ZNF608: variants seen among roughly 807,000 people sequenced by gnomAD.
ZNF608 encodes the protein renal carcinoma antigen NY-REN-36.
ZNF608 carries 12 observed loss-of-function variants against 109.0 expected under a neutral mutation model. The ratio of observed to expected loss-of-function variants is 0.11; its 90% CI spans 0.07 to 0.18. The LOEUF (loss-of-function observed/expected upper bound fraction) is 0.18, where lower values mean the gene tolerates loss of function less well. ZNF608 is among the 10% of genes least tolerant of loss of function. The probability of loss-of-function intolerance (pLI) is 1.00; values close to 1 mark genes in which losing one functional copy is unlikely to be tolerated. For synonymous variants in ZNF608, 732 were observed against 717.4 expected, an observed-to-expected ratio of 1.02 and a Z score of -0.33; for missense variants, 1,707 against 1,879.3, an observed-to-expected ratio of 0.91 and a Z score of 1.70.
intron 2 of ZNF608, among the ~76,000 whole-genome samples, chr5:124,721,964 A>AT (rs1753934418): frequency 6.8e-6 from 1 of 146,228 alleles, no homozygotes; most frequent in African/African-American, 2.5e-5. Context: ...AAAAAAAAAA[A>AT]AAAAAAAAGA....
chr5:124,681,444 G>A (rs1436907787), intron 3 of ZNF608, among the ~76,000 whole-genome samples: 1 of 151,970 alleles, frequency 6.6e-6, no homozygotes. Context: ...GTGACAGAGC[G>A]AGACTCCATC....
At chr5:124,691,071 C>T (rs943625466) in intron 3 of ZNF608, among the ~76,000 whole-genome samples, 14 of 152,030 alleles carry the variant, frequency 9.2e-5, no homozygotes, top group African/African-American at 1.9e-4. Context: ...TAGGATCACT[C>T]GAGGCCAGGA....
At chr5:124,723,032 AT>A (rs753609561) in intron 2 of ZNF608, among the ~76,000 whole-genome samples, 2,747 of 142,622 alleles carry the variant, frequency 0.019, 67 homozygotes, top group African/African-American at 0.056. Context: ...TAAAAAAAAA[AT>A]TTTTTTTTTT....
At chr5:124,650,039 C>T (rs1297684600) in intron 3 of ZNF608, among the ~76,000 whole-genome samples, 2 of 152,262 alleles carry the variant, frequency 1.3e-5, no homozygotes, top group Non-Finnish European at 2.9e-5. Context: ...TATTATTACA[C>T]ATAATTGCTT....
Position 124,649,076 on chromosome 5 carries a change from C to T in ZNF608, c.1308G>A (p.Lys436=). 6.2e-7 allele frequency: 1 copy of T among 1,611,708 alleles called. No individual in the cohort carries two copies. The highest frequency in any genetic ancestry group is 8.5e-7 in the Non-Finnish European group (1 of 1,179,068). The change falls in exon 5 of 10, where the codon AAG becomes AAA. Residue 436 remains lysine (K), a synonymous_variant. Coordinates refer to ENST00000513986, the MANE Select transcript of ZNF608 (RefSeq NM_020747.3). The part of the protein sequence containing the change: ...LEMRGGRGRG[K]RARSAAAAPG... ...GGGCAGCAGCAGCAGACCTCGCTCT[C>T]TTCCCTCTGCCCCGGCCCCCTCTCA...
intron 2 of ZNF608, among the ~76,000 whole-genome samples, chr5:124,740,140 C>T (rs1156417730): frequency 1.3e-5 from 2 of 152,100 alleles, no homozygotes; most frequent in Non-Finnish European, 2.9e-5. Flanking sequence ...ATCAGTTATG[C>T]ATATTCCTTC....
intron 3 of ZNF608, among the ~76,000 whole-genome samples, chr5:124,674,445 G>A (rs1219032742): frequency 3.3e-5 from 5 of 152,146 alleles, no homozygotes; most frequent in Admixed American, 1.3e-4. Context: ...TTCCAGCCTA[G>A]TTTAGTGGTT....
intron 3 of ZNF608, among the ~76,000 whole-genome samples, chr5:124,665,425 G>T (rs545051007): frequency 4.0e-4 from 61 of 152,186 alleles, no homozygotes; most frequent in African/African-American, 1.4e-3. Flanking sequence ...AGCCAAAAGA[G>T]CTCCTGCATT....
chr5:124,639,564 AG>A (rs1750142596), intron 8 of ZNF608, among the ~76,000 whole-genome samples: 2 of 152,286 alleles, frequency 1.3e-5, no homozygotes, highest in African/African-American at 4.8e-5. Context: ...AGTGAATTAC[AG>A]AAGCGGCATG....
chr5:124,731,042 T>C (rs1246004586), intron 2 of ZNF608, among the ~76,000 whole-genome samples: 1 of 152,236 alleles, frequency 6.6e-6, no homozygotes, highest in African/African-American at 2.4e-5. Flanking sequence ...TTTGCACTTT[T>C]GTTTTGGTTT....
At chr5:124,657,554 AG>A (rs1223109037) in intron 3 of ZNF608, among the ~76,000 whole-genome samples, 1 of 152,154 alleles carries the variant, frequency 6.6e-6, no homozygotes, top group African/African-American at 2.4e-5. Context: ...GGGCACCTGT[AG>A]TCCCAGCTAC....
At chr5:124,701,983 T>C (rs1035588893) in intron 2 of ZNF608, among the ~76,000 whole-genome samples, 3 of 152,202 alleles carry the variant, frequency 2.0e-5, no homozygotes, top group African/African-American at 2.4e-5. Flanking sequence ...CCTAATGAGT[T>C]TGATTAAGGC....
chr5:124,661,815 T>C (rs1324421055), intron 3 of ZNF608, among the ~76,000 whole-genome samples: 1 of 152,254 alleles, frequency 6.6e-6, no homozygotes, highest in Non-Finnish European at 1.5e-5. Context: ...AACCTTTCTC[T>C]GCAAACAGGA....
chr5:124,643,384 G>T, intron 7 of ZNF608, 127 bp downstream of exon 7: 2 of 867,798 alleles, frequency 2.3e-6, no homozygotes, highest in East Asian at 2.6e-5. Flanking sequence ...TTACGTATTA[G>T]GATAAAACAG....
chr5:124,693,327 C>A (rs1752691856), intron 3 of ZNF608, among the ~76,000 whole-genome samples: 2 of 152,156 alleles, frequency 1.3e-5, no homozygotes, highest in Admixed American at 1.3e-4. Context: ...TATTAAGACA[C>A]TCAAGATTTT....
Position 124,746,614 on chromosome 5 carries a change from C to A in ZNF608, c.-603G>T. The A allele has an allele frequency of 2.0e-6, 2 of 985,344 alleles. No individual in the cohort carries two copies. Among genetic ancestry groups the A allele is most frequent in the Non-Finnish European group, 2.4e-6 (2 of 829,928 alleles). The allele number at this position is 985,344 out of a possible 1,614,324, so 61.0% of individuals were successfully genotyped here. A position where few individuals can be genotyped will look rare whatever the true frequency, so the allele number is the denominator to read the frequency against. On this transcript the variant is annotated 5_prime_UTR_variant, in exon 1 of 10. Transcript: ENST00000513986. ...CGTGATCAGTAATGATCCCATGTAGCAAACCTACAGGCGTCCGCTAGTAAC... is the reference window on the plus strand; with the variant it reads ...CGTGATCAGTAATGATCCCATGTAGAAAACCTACAGGCGTCCGCTAGTAAC...
chr5:124,680,316 TTTC>T (rs1397850659), intron 3 of ZNF608, among the ~76,000 whole-genome samples: 1 of 151,566 alleles, frequency 6.6e-6, no homozygotes, highest in East Asian at 1.9e-4. Flanking sequence ...CTCTAAAAAT[TTTC>T]TTATTTGTAA....
chr5:124,713,435 T>C (rs1401013012), intron 2 of ZNF608, among the ~76,000 whole-genome samples: 1 of 152,230 alleles, frequency 6.6e-6, no homozygotes, highest in East Asian at 1.9e-4. Flanking sequence ...GCAGTCAATG[T>C]AATGACAGCA....
chr5:124,737,762 G>C (rs74361157), intron 2 of ZNF608, among the ~76,000 whole-genome samples: 1 of 152,114 alleles, frequency 6.6e-6, no homozygotes, highest in African/African-American at 2.4e-5. Flanking sequence ...ATATGCAAGA[G>C]GTTGCATATC....
Sources: allele counts gnomAD v4.1 joint callset (sites outside exome capture counted in the v4.1 genomes callset), GRCh38; gene constraint gnomAD v4.1.1; transcripts MANE v1.5; gene names NCBI Gene and HGNC (gene_info 2026-07-23, HGNC 2026-07-21).